KANK4: variants seen among roughly 807,000 people sequenced by gnomAD.
KANK4 encodes KN motif and ankyrin repeat domains 4.
KANK4 carries 50 observed loss-of-function variants against 80.8 expected under a neutral mutation model. The ratio of observed to expected loss-of-function variants is 0.62; its 90% CI spans 0.49 to 0.78. The LOEUF (loss-of-function observed/expected upper bound fraction) is 0.78, where lower values mean the gene tolerates loss of function less well. Among genes scored for constraint, KANK4 ranks in the 30% least tolerant of loss-of-function variants. The probability of loss-of-function intolerance (pLI) is 0.00; values close to 1 mark genes in which losing one functional copy is unlikely to be tolerated. For missense variants in KANK4, 1,196 were observed against 1,240.1 expected, an observed-to-expected ratio of 0.96 and a Z score of 0.53; for synonymous variants, 465 against 506.9, an observed-to-expected ratio of 0.92 and a Z score of 1.11.
At chr1:62,247,193 T>C (rs1208726083) in intron 9 of KANK4, among the ~76,000 whole-genome samples, 1 of 152,112 alleles carries the variant, frequency 6.6e-6, no homozygotes, top group African/African-American at 2.4e-5. Flanking sequence ...GCTGAGCCTC[T>C]TATTTAAATC....
At position 62,273,576 on chromosome 1, in the gene KANK4, C is replaced by T; in HGVS notation, c.1528G>A (p.Gly510Arg). 6.2e-7 allele frequency: 1 copy of T among 1,614,082 alleles called. No individual in the cohort carries two copies. The highest frequency in any genetic ancestry group is 8.5e-7 in the Non-Finnish European group (1 of 1,179,962). ...RIEEAGTEQEGGPQGGTRGAG... is the reference protein window; with the variant it reads ...RIEEAGTEQERGPQGGTRGAG... ...CCCCTGGTTCCTCCCTGAGGGCCTC[C>T]TTCCTGTTCAGTGCCTGCTTCTTCA... Residue 510 changes from glycine (G) to arginine (R), a missense_variant, in exon 3 of 10, where the codon GGA (glycine) becomes AGA (arginine). Gly to Arg is a moderately radical substitution (Grantham distance 125). Coordinates refer to ENST00000371153, the MANE Select transcript of KANK4 (RefSeq NM_181712.5).
intron 2 of KANK4, among the ~76,000 whole-genome samples, chr1:62,278,507 C>G (rs1015015011): frequency 1.1e-4 from 16 of 151,538 alleles, no homozygotes; most frequent in Non-Finnish European, 2.4e-4. Flanking sequence ...ATTCTCCTGC[C>G]TCAGCCTCCT....
intron 6 of KANK4, among the ~76,000 whole-genome samples, chr1:62,265,843 T>C (rs1347351869): frequency 6.6e-6 from 1 of 152,234 alleles, no homozygotes; most frequent in Non-Finnish European, 1.5e-5. Context: ...GCGTATTTTC[T>C]TGTTTTCAGT....
intron 2 of KANK4, among the ~76,000 whole-genome samples, chr1:62,276,541 C>T (rs9803854): frequency 0.4 from 60,332 of 151,768 alleles, 12,764 homozygotes; most frequent in African/African-American, 0.53. Flanking sequence ...TTTGGGAGGC[C>T]GAGGCAGGTG....
At chr1:62,251,561 G>T (rs1427994143) in intron 8 of KANK4, among the ~76,000 whole-genome samples, 1 of 152,094 alleles carries the variant, frequency 6.6e-6, no homozygotes, top group African/African-American at 2.4e-5. Context: ...TTCTGGGTAA[G>T]GACCACACCC....
At chr1:62,276,240 TTAAA>T (rs1210999744) in intron 2 of KANK4, among the ~76,000 whole-genome samples, 1 of 152,158 alleles carries the variant, frequency 6.6e-6, no homozygotes, top group Non-Finnish European at 1.5e-5. Context: ...CTTCTTCAGG[TTAAA>T]TAGTCTTTGT....
At chr1:62,242,131 G>A (rs1290138922) in intron 9 of KANK4, among the ~76,000 whole-genome samples, 1 of 151,898 alleles carries the variant, frequency 6.6e-6, no homozygotes, top group Non-Finnish European at 1.5e-5. Flanking sequence ...GCTGCTCTAG[G>A]AGACCCCGAC....
intron 1 of KANK4, among the ~76,000 whole-genome samples, chr1:62,306,087 C>T (rs988155471): frequency 1.3e-5 from 2 of 152,094 alleles, no homozygotes; most frequent in Non-Finnish European, 2.9e-5. Context: ...TGGCCTCAAG[C>T]GATCCTTCTG....
At chr1:62,300,357 A>G (rs544377057) in intron 1 of KANK4, among the ~76,000 whole-genome samples, 60 of 152,184 alleles carry the variant, frequency 3.9e-4, no homozygotes, top group African/African-American at 1.4e-3. Flanking sequence ...GGTTCTGTGG[A>G]CTCATGGATG....
intron 1 of KANK4, among the ~76,000 whole-genome samples, chr1:62,296,605 G>A (rs1644366663): frequency 6.6e-6 from 1 of 152,070 alleles, no homozygotes; most frequent in Non-Finnish European, 1.5e-5. Context: ...CGTCTGGAGT[G>A]CAGTGGCATA....
chr1:62,268,855 A>G (rs946404558), intron 4 of KANK4, among the ~76,000 whole-genome samples: 9 of 152,212 alleles, frequency 5.9e-5, no homozygotes, highest in African/African-American at 2.2e-4. Flanking sequence ...TTCTCATGAA[A>G]GCATTTGCTT....
intron 1 of KANK4, among the ~76,000 whole-genome samples, chr1:62,288,322 A>G (rs989080841): frequency 6.6e-6 from 1 of 152,248 alleles, no homozygotes; most frequent in Non-Finnish European, 1.5e-5. Flanking sequence ...GTCCAAGTCC[A>G]GCAAGATGGG....
intron 6 of KANK4, among the ~76,000 whole-genome samples, chr1:62,266,517 GCA>G (rs1244576854): frequency 6.7e-6 from 1 of 149,236 alleles, no homozygotes; most frequent in East Asian, 2.0e-4. Flanking sequence ...TCACACCACT[GCA>G]CACTCACACC....
chr1:62,245,856 T>G (rs1210708675), intron 9 of KANK4, among the ~76,000 whole-genome samples: 1 of 152,180 alleles, frequency 6.6e-6, no homozygotes, highest in East Asian at 1.9e-4. Context: ...AGGGGTTCAC[T>G]CATTCATTTG....
chr1:62,285,340 T>C (rs1672540272), intron 1 of KANK4, among the ~76,000 whole-genome samples: 1 of 152,138 alleles, frequency 6.6e-6, no homozygotes, highest in African/African-American at 2.4e-5. Context: ...TCCAGCTGGG[T>C]CCACCCTCAG....
intron 9 of KANK4, among the ~76,000 whole-genome samples, chr1:62,238,995 A>G (rs757428876): frequency 6.6e-5 from 10 of 152,066 alleles, no homozygotes; most frequent in Non-Finnish European, 1.3e-4. Context: ...CATTACATGT[A>G]TCTAAGTGAA....
At chr1:62,280,675 G>C (rs2149151294) in intron 2 of KANK4, among the ~76,000 whole-genome samples, 1 of 152,302 alleles carries the variant, frequency 6.6e-6, no homozygotes, top group East Asian at 1.9e-4. Flanking sequence ...GTTTCCTGGG[G>C]ACAGGAAGAG....
chr1:62,308,226 A>T (rs1019133565), intron 1 of KANK4, among the ~76,000 whole-genome samples: 19 of 152,178 alleles, frequency 1.2e-4, no homozygotes, highest in African/African-American at 4.1e-4. Context: ...ATGATGGATG[A>T]CAGTGGGGAC....
chr1:62,312,979 C>G (rs938027336), intron 1 of KANK4, among the ~76,000 whole-genome samples: 1 of 152,170 alleles, frequency 6.6e-6, no homozygotes, highest in Non-Finnish European at 1.5e-5. Context: ...GTGGTTCCCC[C>G]CCAAACCCCT....
Sources: gnomAD v4.1 joint callset for allele counts (sites outside exome capture counted in the v4.1 genomes callset) on GRCh38, gnomAD v4.1.1 for gene constraint, MANE v1.5 for transcripts, NCBI Gene and HGNC (gene_info 2026-07-23, HGNC 2026-07-21) for gene names.